Variants in LSS observed in about 807,000 individuals in gnomAD.
LSS encodes lanosterol synthase.
Under a neutral mutation model 110.3 loss-of-function variants are expected in LSS, and 90 were observed. The observed-to-expected ratio is 0.82, with a 90% CI of 0.69 to 0.97. The LOEUF (loss-of-function observed/expected upper bound fraction) is 0.97. Ranked by LOEUF, LSS falls within the 50% of genes least tolerant of loss-of-function variation. The pLI, the probability that LSS is intolerant of heterozygous loss-of-function variation, is 0.00. For missense variants in LSS, 927 were observed against 990.0 expected, an observed-to-expected ratio of 0.94 and a Z score of 0.85; for synonymous variants, 433 against 400.0, an observed-to-expected ratio of 1.08 and a Z score of -0.98.
At chr21:46,213,617 TG>T in intron 10 of LSS, 120 bp downstream of exon 10, 1 of 753,608 alleles carries the variant, frequency 1.3e-6, no homozygotes. Context: ...TGCTGGTTCC[TG>T]GAGGTATTCC....
chr21:46,204,921 C>A (rs925482792), intron 17 of LSS, among the ~76,000 whole-genome samples: 1 of 152,152 alleles, frequency 6.6e-6, no homozygotes, highest in Non-Finnish European at 1.5e-5. Flanking sequence ...ACAAAATATT[C>A]TTCAAATTGA....
Position 46,191,978 on chromosome 21 carries a change from G to GA in LSS, c.1989-20dup. On this transcript the variant is annotated intron_variant, in intron 20 of 21. Coordinates refer to ENST00000397728, the MANE Select transcript of LSS (RefSeq NM_002340.6). The stretch of plus-strand genomic sequence containing the variant: ...AGGATGCCTGGTGGAAGAGAAGGCT[G>GA]AAACACACCCAGCATGCATGCCCCC... 1 of 1,585,712 alleles carries GA rather than the reference G, an allele frequency of 6.3e-7. No individual in the cohort carries two copies. Among genetic ancestry groups the GA allele is most frequent in the Admixed American group, 1.7e-5 (1 of 59,670 alleles).
chr21:46,225,926 C>T (rs920896078), intron 3 of LSS, among the ~76,000 whole-genome samples: 3 of 152,128 alleles, frequency 2.0e-5, no homozygotes, highest in African/African-American at 7.2e-5. Context: ...CCGGGCCCAG[C>T]TGTCTTTTCT....
chr21:46,196,104 G>A, intron 18 of LSS, 98 bp downstream of exon 18: 3 of 1,240,942 alleles, frequency 2.4e-6, no homozygotes, highest in Non-Finnish European at 3.5e-6. Context: ...TTCTGGTGTA[G>A]CAACAACATA....
At chr21:46,225,450 G>C (rs2080326196) in intron 3 of LSS, 1 of 451,692 alleles carries the variant, frequency 2.2e-6, no homozygotes, top group South Asian at 1.6e-5. Context: ...CCGGGAAAGG[G>C]AATCTCCCTT....
chr21:46,193,967 C>T (rs972685618), intron 20 of LSS, among the ~76,000 whole-genome samples: 1 of 152,082 alleles, frequency 6.6e-6, no homozygotes, highest in Non-Finnish European at 1.5e-5. Context: ...CCTGTGTGGG[C>T]ATGCGTACGT....
In LSS at chr21:46,213,809, C is replaced by A. The variant is rs147400507; in HGVS notation, c.1038G>T (p.Val346=). The A allele has an allele frequency of 3.0e-5, 48 of 1,613,882 alleles. No individual in the cohort carries two copies. Among genetic ancestry groups the A allele is most frequent in the Non-Finnish European group, 4.0e-5 (47 of 1,179,968 alleles). Residue 346 remains valine, a synonymous_variant, in exon 10 of 22, where the codon GTG becomes GTT. Transcript: ENST00000397728. ...GPISKTINML[V]RWYVDGPAST... ...AGGCGGGCCCGTCCACATACCAGCG[C>A]ACAAGCATGTTGATGGTTTTCGAGA... is the stretch of plus-strand genomic sequence containing the variant.
chr21:46,199,869 C>T (rs893610537), intron 17 of LSS, among the ~76,000 whole-genome samples: 2 of 152,126 alleles, frequency 1.3e-5, no homozygotes, highest in Admixed American at 6.5e-5. Flanking sequence ...GTGGTGGGCA[C>T]GTGCATCACA....
intron 17 of LSS, 86 bp downstream of exon 17, chr21:46,205,748 CCA>C (rs2080038818): frequency 9.8e-7 from 1 of 1,018,814 alleles, no homozygotes; most frequent in Non-Finnish European, 1.5e-6. Context: ...CTGAGATGGG[CCA>C]CCAGGGCCGT....
chr21:46,221,296 G>A (rs1057066547), intron 5 of LSS, among the ~76,000 whole-genome samples: 2 of 152,146 alleles, frequency 1.3e-5, no homozygotes, highest in Admixed American at 6.5e-5. Context: ...ATATTAACAC[G>A]GTTCGTTTAA....
chr21:46,189,336 G>A lies in LSS; in HGVS notation c.*1768C>T, dbSNP rs2079771775. The A allele has an allele frequency of 3.6e-6, 1 of 278,672 alleles. No individual in the cohort carries two copies. The highest frequency in any genetic ancestry group is 2.3e-5 in the African/African-American group (1 of 44,122). The allele number at this position is 278,672 out of a possible 1,614,324, so 17.3% of individuals were successfully genotyped here. ...TGTCCTGCTGCTACCCCACGTGGGG[G>A]AGAACACGTGGGCTGAGAAAAAAAA... On this transcript the variant is annotated 3_prime_UTR_variant, in exon 22 of 22. Coordinates refer to ENST00000397728, the MANE Select transcript of LSS (RefSeq NM_002340.6).
In LSS at chr21:46,206,555, C is replaced by T. The variant is rs569659334; in HGVS notation, c.1564+117G>A. The T allele has an allele frequency of 2.9e-4, 243 of 825,362 alleles. 2 individuals carry two copies. The South Asian group carries it at 3.0e-3, about 10-fold the overall frequency. The allele number at this position is 825,362 out of a possible 1,614,324, so 51.1% of individuals were successfully genotyped here. A position where few individuals can be genotyped will look rare whatever the true frequency, so the allele number is the denominator to read the frequency against. ...GAGGGAGGGCTCCAGACAGATCTGC[C>T]GGTGAACCTGGGCCCTTGCAGCCTC... is the stretch of plus-strand genomic sequence containing the variant. On this transcript the variant is annotated intron_variant, in intron 16 of 21. Coordinates refer to ENST00000397728, the MANE Select transcript of LSS (RefSeq NM_002340.6).
At position 46,228,351 on chromosome 21, in the gene LSS, C is replaced by A. The variant is rs2080382669; in HGVS notation, c.180+83G>T. The A allele has an allele frequency of 2.7e-6, 4 of 1,491,220 alleles. No homozygotes were observed. In the Admixed American group the frequency reaches 8.2e-5, roughly 30 times the overall value. 92.4% of individuals were successfully genotyped at this position (1,491,220 alleles called of 1,614,324 possible). A position where few individuals can be genotyped will look rare whatever the true frequency, so the allele number is the denominator to read the frequency against. The stretch of plus-strand genomic sequence containing the variant: ...GGCGTCGCTGGCCGGGTCCTCCCAC[C>A]CGCCTTTCTGAGAGAAAACGTGCTC... On this transcript the variant is annotated intron_variant, in intron 2 of 21. Transcript: ENST00000397728.
Position 46,216,843 on chromosome 21 carries a change from C to T in LSS, c.648-319G>A, listed in dbSNP as rs1022132074. Among the ~76,000 whole-genome samples, 2 of 152,160 alleles carry T rather than the reference C, an allele frequency of 1.3e-5. No individual in the cohort carries two copies. Among genetic ancestry groups the T allele is most frequent in the Non-Finnish European group, 2.9e-5 (2 of 68,026 alleles). On this transcript the variant is annotated intron_variant, in intron 6 of 21. Coordinates refer to ENST00000397728, the MANE Select transcript of LSS (RefSeq NM_002340.6). The surrounding 1 kb of genome is among the most constrained non-coding windows in gnomAD (Gnocchi z 4.2). ...GTACCTTGGTAACATAAAACATCAA[C>T]AATGGGGATATGGTGTGAGGGCCCC...
At chr21:46,202,751 C>T (rs1047390854) in intron 17 of LSS, among the ~76,000 whole-genome samples, 1 of 151,842 alleles carries the variant, frequency 6.6e-6, no homozygotes, top group African/African-American at 2.4e-5. Context: ...ATGGTATGCA[C>T]CTGTAGTCCC....
intron 21 of LSS, 121 bp downstream of exon 21, chr21:46,191,760 G>C: frequency 1.3e-6 from 1 of 792,464 alleles, no homozygotes; most frequent in Non-Finnish European, 2.1e-6. Context: ...ACTGGCAGAG[G>C]TGACGCCTCC....
rs181216088 is a variant in LSS, at chr21:46,196,018, C to T, written c.1736+184G>A. Among the ~76,000 whole-genome samples, 114 of 152,356 alleles carry T rather than the reference C, an allele frequency of 7.5e-4. 1 individual carries two copies. In the East Asian group the frequency reaches 0.019, roughly 26 times the overall value. ...CAGCAACGTACTGAGCAATTTCCAC[C>T]GGGGCAAAGGCCACGCATGCCACAA... On this transcript the variant is annotated intron_variant, in intron 18 of 21. Coordinates refer to ENST00000397728, the MANE Select transcript of LSS (RefSeq NM_002340.6).
chr21:46,218,096 C>T (rs2080229871), intron 6 of LSS, among the ~76,000 whole-genome samples: 2 of 136,014 alleles, frequency 1.5e-5, no homozygotes, highest in Admixed American at 7.3e-5. Context: ...CTAACTTGAC[C>T]CCCCACCCCC....
chr21:46,195,843 T>C, intron 18 of LSS, 87 bp from the exon 19 acceptor site: 1 of 1,103,790 alleles, frequency 9.1e-7, no homozygotes, highest in Admixed American at 1.8e-5. Flanking sequence ...CAATCACACG[T>C]GCCCCAGCCA....
Sources: gnomAD v4.1 joint callset for allele counts (sites outside exome capture counted in the v4.1 genomes callset) on GRCh38, gnomAD v4.1.1 for gene constraint, Gnocchi (gnomAD v3.1) non-coding constraint, MANE v1.5 for transcripts, NCBI Gene and HGNC (gene_info 2026-07-23, HGNC 2026-07-21) for gene names.